The following GPC5 variants were observed in gnomAD, a reference collection of about 807,000 sequenced individuals.
GPC5 encodes glypican 5, also known as glypican-5.
GPC5 carries 47 observed loss-of-function variants against 53.9 expected under a neutral mutation model. The observed-to-expected ratio is 0.87, with a 90% confidence interval of 0.69 to 1.11. GPC5 has a LOEUF of 1.11. Ranked by LOEUF, GPC5 falls within the 50% of genes most tolerant of loss-of-function variation. The pLI is 0.00. For missense variants in GPC5, 748 were observed against 713.1 expected (o/e 1.05, Z -0.56); for synonymous variants, 286 against 263.3 (o/e 1.09, Z -0.84).
intron 6 of GPC5, among the ~76,000 whole-genome samples, chr13:92,048,354 G>A (rs945723317): frequency 6.6e-6 from 1 of 151,892 alleles, no homozygotes; most frequent in South Asian, 2.1e-4. Context: ...ATTTGACTAT[G>A]CTGTGTTACA....
intron 7 of GPC5, among the ~76,000 whole-genome samples, chr13:92,290,502 A>G (rs9589483): frequency 0.44 from 67,098 of 151,684 alleles, 16,372 homozygotes; most frequent in African/African-American, 0.66. Flanking sequence ...CCCTTTCCCC[A>G]AGTCCCCAAA....
rs77264164 is a variant in GPC5 at position 92,574,733 on chromosome 13, G to C, written c.1562-291549G>C. Among the ~76,000 whole-genome samples, 369 of 152,256 alleles carry C rather than the reference G, an allele frequency of 2.4e-3. 2 individuals carry two copies. The highest frequency in any genetic ancestry group is 8.1e-3 in the African/African-American group (338 of 41,554). The stretch of plus-strand genomic sequence containing the variant: ...CAGACAGACAAGTCAAGACAACTTT[G>C]AGGTGAGCAGGAGAGCAGCTGAGAT... On this transcript the variant is annotated intron_variant, in intron 7 of 7. Transcript: ENST00000377067.
chr13:92,144,961 A>C lies in GPC5; in HGVS notation c.1533A>C (p.Glu511Asp). The C allele has an allele frequency of 6.4e-7, 1 of 1,556,194 alleles. No individual in the cohort carries two copies. Among genetic ancestry groups the C allele is most frequent in the Non-Finnish European group, 8.7e-7 (1 of 1,155,852 alleles). ...GTTGCGGGGGATCAGGAAGTGGAGAAGTCAAGAGGACACTGAAGATCACAG... is the reference window on the plus strand; with the variant it reads ...GTTGCGGGGGATCAGGAAGTGGAGACGTCAAGAGGACACTGAAGATCACAG... Reference protein sequence around the residue: ...EDGCGGSGSGEVKRTLKITDW... With the variant: ...EDGCGGSGSGDVKRTLKITDW... Residue 511 changes from glutamate (E) to aspartate (D), a missense_variant, in exon 7 of 8, where the codon GAA becomes GAC. Glu to Asp is a conservative substitution (Grantham distance 45). Coordinates refer to ENST00000377067, the MANE Select transcript of GPC5 (RefSeq NM_004466.6).
chr13:91,903,151 C>G (rs2039516416), intron 5 of GPC5, among the ~76,000 whole-genome samples: 1 of 151,606 alleles, frequency 6.6e-6, no homozygotes, highest in South Asian at 2.1e-4. Context: ...TGGAACATAA[C>G]TGATTCGTTT....
chr13:91,982,775 T>C (rs2040370706), intron 6 of GPC5, among the ~76,000 whole-genome samples: 1 of 152,186 alleles, frequency 6.6e-6, no homozygotes, highest in African/African-American at 2.4e-5. Flanking sequence ...AGGCCAGTCA[T>C]AGGTGGCTTT....
intron 6 of GPC5, among the ~76,000 whole-genome samples, chr13:91,962,301 G>C (rs1306905849): frequency 6.6e-6 from 1 of 152,064 alleles, no homozygotes; most frequent in African/African-American, 2.4e-5. Flanking sequence ...CATGAATACA[G>C]AATTTTATTG....
chr13:91,645,891 G>T (rs1009355311), intron 2 of GPC5, among the ~76,000 whole-genome samples: 1 of 152,168 alleles, frequency 6.6e-6, no homozygotes, highest in Non-Finnish European at 1.5e-5. Flanking sequence ...AACATTAATG[G>T]TGTTCTTCTG....
chr13:92,400,141 T>A (rs949460031), intron 7 of GPC5, among the ~76,000 whole-genome samples: 1 of 152,142 alleles, frequency 6.6e-6, no homozygotes, highest in Non-Finnish European at 1.5e-5. Flanking sequence ...GTGGAAGCAA[T>A]CTTCTTAACA....
chr13:92,475,841 T>G (rs2139427054), intron 7 of GPC5, among the ~76,000 whole-genome samples: 1 of 151,444 alleles, frequency 6.6e-6, no homozygotes, highest in East Asian at 1.9e-4. Context: ...GCTAGCCATA[T>G]GTAGAAAGCT....
At chr13:92,721,001 T>C (rs957012413) in intron 7 of GPC5, among the ~76,000 whole-genome samples, 1 of 152,040 alleles carries the variant, frequency 6.6e-6, no homozygotes, top group Non-Finnish European at 1.5e-5. Flanking sequence ...TGTATATCTA[T>C]AGCACACTCT....
chr13:92,109,581 T>C (rs767128748), intron 6 of GPC5, among the ~76,000 whole-genome samples: 1 of 152,180 alleles, frequency 6.6e-6, no homozygotes, highest in Non-Finnish European at 1.5e-5. Context: ...ACCAGACTTA[T>C]AGAAGCCAGG....
intron 5 of GPC5, among the ~76,000 whole-genome samples, chr13:91,771,379 T>C (rs1321610848): frequency 6.6e-6 from 1 of 152,192 alleles, no homozygotes; most frequent in African/African-American, 2.4e-5. Flanking sequence ...TTCTTGCGTC[T>C]TTGAAGGGTA....
At chr13:92,237,047 C>T (rs767474583) in intron 7 of GPC5, among the ~76,000 whole-genome samples, 1 of 152,034 alleles carries the variant, frequency 6.6e-6, no homozygotes, top group Non-Finnish European at 1.5e-5. Context: ...AATGAAAACA[C>T]CCCACAACTA....
At chr13:91,443,361 A>C (rs1394985609) in intron 1 of GPC5, among the ~76,000 whole-genome samples, 3 of 152,166 alleles carry the variant, frequency 2.0e-5, no homozygotes, top group African/African-American at 4.8e-5. Flanking sequence ...GGGCACAGAG[A>C]GAAGATGGTC....
chr13:92,364,132 G>GA (rs1398617943), intron 7 of GPC5, among the ~76,000 whole-genome samples: 4 of 151,694 alleles, frequency 2.6e-5, no homozygotes, highest in African/African-American at 9.8e-5. Flanking sequence ...GAATACTGTG[G>GA]AATTCAGAGG....
intron 6 of GPC5, among the ~76,000 whole-genome samples, chr13:92,063,447 G>GTTAT (rs1484509647): frequency 6.6e-6 from 1 of 152,058 alleles, no homozygotes; most frequent in Non-Finnish European, 1.5e-5. Context: ...TACTGAGAAT[G>GTTAT]GTATGGTAAG....
At chr13:92,239,051 A>G (rs2042590483) in intron 7 of GPC5, among the ~76,000 whole-genome samples, 1 of 151,600 alleles carries the variant, frequency 6.6e-6, no homozygotes, top group Admixed American at 6.6e-5. Context: ...GTAATTGACT[A>G]TAAATGTGAA....
intron 7 of GPC5, among the ~76,000 whole-genome samples, chr13:92,768,584 T>C (rs1472935025): frequency 1.3e-5 from 2 of 152,174 alleles, no homozygotes; most frequent in African/African-American, 4.8e-5. Flanking sequence ...ATTTCTCTAA[T>C]TTTCTTTAAA....
At chr13:92,235,597 G>C (rs1010988134) in intron 7 of GPC5, among the ~76,000 whole-genome samples, 6 of 151,946 alleles carry the variant, frequency 3.9e-5, no homozygotes, top group Non-Finnish European at 5.9e-5. Context: ...TTATTTTTCT[G>C]TCAAATATAT....
Sources: gnomAD v4.1 joint callset for allele counts (sites outside exome capture counted in the v4.1 genomes callset) on GRCh38, gnomAD v4.1.1 for gene constraint, MANE v1.5 for transcripts, NCBI Gene and HGNC (gene_info 2026-07-23, HGNC 2026-07-21) for gene names.